The following IL5 variants were observed in gnomAD, a reference collection of about 807,000 sequenced individuals.
IL5 encodes the protein interleukin-5.
In IL5, 12 loss-of-function variants were observed where a neutral mutation model predicts 16.3. The ratio of observed to expected loss-of-function variants is 0.74; its 90% CI spans 0.47 to 1.20. IL5 has a LOEUF of 1.20. Ranked by LOEUF, IL5 falls within the 50% of genes most tolerant of loss-of-function variation. IL5 has a pLI of 0.00. For missense variants in IL5, 159 were observed against 153.9 expected, an observed-to-expected ratio of 1.03 and a Z score of -0.17; for synonymous variants, 54 against 56.6, an observed-to-expected ratio of 0.95 and a Z score of 0.21.
rs961347672 is a variant in IL5 at position 132,542,171 on chromosome 5, A to G, written c.178-28T>C. 5.6e-6 allele frequency: 9 copies of G among 1,593,598 alleles called. No individual in the cohort carries two copies. In the African/African-American group the frequency reaches 6.8e-5, roughly 12 times the overall value. ...AAATGAGGAAAATTTTTAAAATGCA[A>G]ATAATCAAGACAAGGTATAAAAATT... On this transcript the variant is annotated intron_variant, in intron 2 of 3. Coordinates refer to ENST00000231454, the MANE Select transcript of IL5 (RefSeq NM_000879.3).
At position 132,542,039 on chromosome 5, in the gene IL5, T is replaced by C. The variant is rs751095577; in HGVS notation, c.282A>G (p.Ile94Met). ...CTTTTTGGCCGTCAATGTATTTCTT[T>C]ATTAAGGACAAGTTTTTGAATAGTC... is the stretch of plus-strand genomic sequence containing the variant. ...VERLFKNLSL[I>M]KKYIDGQKKK... The change falls in exon 3 of 4, where the codon ATA becomes ATG. Residue 94 changes from isoleucine to methionine, a missense_variant. Ile to Met is a conservative substitution (Grantham distance 10, BLOSUM62 1). Transcript: ENST00000231454. 1.9e-6 allele frequency: 3 copies of C among 1,614,068 alleles called. No individual in the cohort carries two copies. The highest frequency in any genetic ancestry group is 2.5e-6 in the Non-Finnish European group (3 of 1,179,938).
intron 1 of IL5, among the ~76,000 whole-genome samples, chr5:132,550,364 G>A (rs1043062687): frequency 4.1e-5 from 6 of 145,572 alleles, no homozygotes; most frequent in Admixed American, 7.0e-5. Context: ...TCACTCTGTC[G>A]CCAGGCTGGA....
chr5:132,554,044 TG>T (rs1377374455), intron 1 of IL5, among the ~76,000 whole-genome samples: 10 of 151,304 alleles, frequency 6.6e-5, no homozygotes, highest in Admixed American at 6.6e-4. Flanking sequence ...TTTTACTGTA[TG>T]TTAATTATGC....
At chr5:132,541,987 T>C (rs371782850) in intron 3 of IL5, 28 bp downstream of exon 3, 35 of 1,613,370 alleles carry the variant, frequency 2.2e-5, no homozygotes, top group Admixed American at 3.3e-5. Context: ...CAGACAAATA[T>C]AGCTTCCATT....
upstream of IL5, among the ~76,000 whole-genome samples, chr5:132,547,041 C>CA (rs1261012333): frequency 2.6e-5 from 4 of 152,000 alleles, no homozygotes; most frequent in Non-Finnish European, 5.9e-5. Context: ...AAAGAAAGAG[C>CA]TTTATTAATG....
At chr5:132,552,105 C>A (rs182260923) in intron 1 of IL5, among the ~76,000 whole-genome samples, 52 of 152,244 alleles carry the variant, frequency 3.4e-4, no homozygotes, top group African/African-American at 1.2e-3. Context: ...CCCGTCTCTA[C>A]TAAAAATACA....
chr5:132,554,022 G>C (rs1276829219), intron 1 of IL5, among the ~76,000 whole-genome samples: 4 of 150,234 alleles, frequency 2.7e-5, no homozygotes, highest in African/African-American at 7.3e-5. Context: ...TTGTACCCTG[G>C]AAAAGGGTGA....
At chr5:132,550,414 C>T (rs1460946261) in intron 1 of IL5, among the ~76,000 whole-genome samples, 1 of 151,594 alleles carries the variant, frequency 6.6e-6, no homozygotes, top group Non-Finnish European at 1.5e-5. Flanking sequence ...AGCTCCGCCT[C>T]CTGGGTTCAA....
At chr5:132,554,131 G>C (rs555313237) in intron 1 of IL5, among the ~76,000 whole-genome samples, 2 of 150,774 alleles carry the variant, frequency 1.3e-5, no homozygotes, top group African/African-American at 4.9e-5. Context: ...ACTTTGGGAG[G>C]CCGAGGCGGG....
intron 1 of IL5, among the ~76,000 whole-genome samples, chr5:132,555,550 C>G (rs566348793): frequency 2.0e-5 from 3 of 152,236 alleles, no homozygotes; most frequent in East Asian, 1.9e-4. Context: ...GAGTCTCGCT[C>G]TGTTGCCCAG....
intron 1 of IL5, among the ~76,000 whole-genome samples, chr5:132,553,822 C>T (rs1749923610): frequency 1.3e-5 from 2 of 151,562 alleles, no homozygotes; most frequent in Admixed American, 6.6e-5. Flanking sequence ...GTAGTCCCAG[C>T]TACAGTCCTC....
chr5:132,542,682 A>C (rs1749717145), intron 2 of IL5, among the ~76,000 whole-genome samples: 1 of 152,210 alleles, frequency 6.6e-6, no homozygotes, highest in Non-Finnish European at 1.5e-5. Context: ...AGAAATTATT[A>C]ATATAGGGCA....
chr5:132,542,724 G>A, intron 2 of IL5, among the ~76,000 whole-genome samples: 1 of 152,160 alleles, frequency 6.6e-6, no homozygotes, highest in Non-Finnish European at 1.5e-5. Flanking sequence ...TACTGATCAT[G>A]GTTCTAAAAA....
At chr5:132,554,000 A>G (rs1301311020) in intron 1 of IL5, among the ~76,000 whole-genome samples, 1 of 151,938 alleles carries the variant, frequency 6.6e-6, no homozygotes, top group African/African-American at 2.4e-5. Flanking sequence ...ATATTTGCCA[A>G]AACACATGGA....
rs376416277 is a variant in IL5 at position 132,554,127 on chromosome 5, G to A, written c.42+2547C>T. Among the ~76,000 whole-genome samples the A allele has an allele frequency of 3.0e-4, 46 of 151,882 alleles. No homozygotes were observed. The East Asian group carries it at 8.5e-3, about 28-fold the overall frequency. ...TCACACCTGTAATCCCAGCACTTTG[G>A]GAGGCCGAGGCGGGTGGATCACAAG... On this transcript the variant is annotated intron_variant, in intron 1 of 2. Coordinates refer to the IL5 transcript ENST00000450655.
At chr5:132,546,595 T>C (rs1394184552), upstream of IL5, among the ~76,000 whole-genome samples, 1 of 152,216 alleles carries the variant, frequency 6.6e-6, no homozygotes, top group Non-Finnish European at 1.5e-5. Context: ...TTGTGAATAA[T>C]GCTGCTATGA....
chr5:132,544,188 T>C (rs1232845981), upstream of IL5, among the ~76,000 whole-genome samples: 7 of 152,362 alleles, frequency 4.6e-5, no homozygotes, highest in South Asian at 2.1e-4. Flanking sequence ...ACCTTTCCCA[T>C]TGAGGTCTCA....
chr5:132,542,208 C>A, intron 2 of IL5, 65 bp from the exon 3 acceptor site: 1 of 1,198,556 alleles, frequency 8.3e-7, no homozygotes. Flanking sequence ...GGTCCATTGT[C>A]CATTCTGCAA....
intron 1 of IL5, among the ~76,000 whole-genome samples, chr5:132,550,463 A>C (rs1434258520): frequency 6.6e-6 from 1 of 152,100 alleles, no homozygotes; most frequent in Non-Finnish European, 1.5e-5. Context: ...AGCTGGGACT[A>C]AAGGCACGCG....
Sources: allele counts gnomAD v4.1 joint callset (sites outside exome capture counted in the v4.1 genomes callset), GRCh38; gene constraint gnomAD v4.1.1; transcripts MANE v1.5; gene names NCBI Gene and HGNC (gene_info 2026-07-23, HGNC 2026-07-21).